Variants in COL14A1 observed in about 807,000 individuals in gnomAD.
The protein encoded by COL14A1 is collagen type XIV alpha 1 chain.
Under a neutral mutation model 230.3 loss-of-function variants are expected in COL14A1, and 136 were observed. The observed-to-expected ratio is 0.59, with a 90% CI of 0.51 to 0.68. The LOEUF (loss-of-function observed/expected upper bound fraction) is 0.68, where lower values mean the gene tolerates loss of function less well. COL14A1 is among the 30% of genes least tolerant of loss of function. The probability of loss-of-function intolerance (pLI) is 0.00; values close to 1 mark genes in which losing one functional copy is unlikely to be tolerated. For missense variants in COL14A1, 1,976 were observed against 2,215.8 expected (o/e 0.89, Z 2.17); for synonymous variants, 792 against 784.1 (o/e 1.01, Z -0.17).
intron 43 of COL14A1, among the ~76,000 whole-genome samples, chr8:120,341,936 C>A (rs1242448955): frequency 6.6e-6 from 1 of 152,178 alleles, no homozygotes; most frequent in Non-Finnish European, 1.5e-5. Context: ...TTGGGCTCAT[C>A]CAATTACCTC....
intron 7 of COL14A1, among the ~76,000 whole-genome samples, chr8:120,198,262 C>G (rs990098619): frequency 1.3e-5 from 2 of 152,098 alleles, no homozygotes; most frequent in African/African-American, 4.8e-5. Context: ...CCCTGTTATT[C>G]AAATATAAAC....
intron 14 of COL14A1, among the ~76,000 whole-genome samples, chr8:120,216,873 A>G (rs140307488): frequency 4.3e-4 from 66 of 152,308 alleles, no homozygotes; most frequent in African/African-American, 1.4e-3. Context: ...CCCATGACCC[A>G]TGTCCAAACA....
intron 25 of COL14A1, 145 bp downstream of exon 25, chr8:120,267,028 A>G: frequency 1.5e-6 from 1 of 670,478 alleles, no homozygotes. Flanking sequence ...CTTATCAACC[A>G]TGATGGGCTT....
intron 8 of COL14A1, among the ~76,000 whole-genome samples, chr8:120,203,154 A>G (rs936183446): frequency 6.6e-6 from 1 of 151,840 alleles, no homozygotes; most frequent in Non-Finnish European, 1.5e-5. Context: ...AGTTAGTTTT[A>G]TTAAGTCATC....
intron 4 of COL14A1, among the ~76,000 whole-genome samples, chr8:120,167,199 G>C (rs1276636654): frequency 6.6e-6 from 1 of 152,104 alleles, no homozygotes; most frequent in African/African-American, 2.4e-5. Flanking sequence ...TCAGCAAAGG[G>C]ATGGAAGACA....
intron 40 of COL14A1, among the ~76,000 whole-genome samples, chr8:120,318,071 G>A (rs2130128513): frequency 6.6e-6 from 1 of 152,270 alleles, no homozygotes; most frequent in East Asian, 1.9e-4. Flanking sequence ...ATTTCAATGT[G>A]CAACACAAGC....
At chr8:120,293,894 A>C (rs1445951769) in intron 34 of COL14A1, among the ~76,000 whole-genome samples, 1 of 151,946 alleles carries the variant, frequency 6.6e-6, no homozygotes, top group Admixed American at 6.6e-5. Context: ...TAATTTAATC[A>C]GTGCCTTCGT....
chr8:120,281,024 A>G lies in COL14A1; in HGVS notation c.3789A>G (p.Gln1263=), dbSNP rs1820021184. The G allele has an allele frequency of 1.2e-6, 2 of 1,610,858 alleles. No homozygotes were observed. Among genetic ancestry groups the G allele is most frequent in the East Asian group, 4.5e-5 (2 of 44,786 alleles). The change falls in exon 31 of 48, where the codon CAA becomes CAG. Residue 1263 remains glutamine (Q), a synonymous_variant. Transcript: ENST00000297848. ...CCTTCAATGTGTTTCCATGTTACCA[A>G]CTCCATAAAGATGCCCTGGTTTCCC... is the stretch of plus-strand genomic sequence containing the variant. ...PGTFNVFPCY[Q]LHKDALVSQP...
At chr8:120,147,003 C>T (rs987376781) in intron 1 of COL14A1, among the ~76,000 whole-genome samples, 2 of 151,886 alleles carry the variant, frequency 1.3e-5, no homozygotes, top group Non-Finnish European at 2.9e-5. Flanking sequence ...GTTTTTTCCC[C>T]TCCAATTCTG....
rs1276949658 is a variant in COL14A1 at position 120,349,472 on chromosome 8, A to T, written c.5077+3909A>T. Among the ~76,000 whole-genome samples, 774 of 132,766 alleles carry T rather than the reference A, an allele frequency of 5.8e-3. 11 individuals are homozygous for T. The highest frequency in any genetic ancestry group is 0.023 in the African/African-American group (740 of 31,670). The allele number at this position is 132,766 out of a possible 152,430, so 87.1% of individuals were successfully genotyped here. On this transcript the variant is annotated intron_variant, in intron 45 of 47. Coordinates refer to ENST00000297848, the MANE Select transcript of COL14A1 (RefSeq NM_021110.4). ...GAGGACATTCAAACCAAAGGCAAAGAAGTTGAAAACTTTGAAAAAAATTTA... is the reference window on the plus strand; with the variant it reads ...GAGGACATTCAAACCAAAGGCAAAGTAGTTGAAAACTTTGAAAAAAATTTA...
intron 37 of COL14A1, 93 bp downstream of exon 37, chr8:120,310,155 C>G: frequency 7.7e-7 from 1 of 1,295,172 alleles, no homozygotes; most frequent in Non-Finnish European, 1.1e-6. Context: ...CTTATTTCAC[C>G]CTTGCAATCT....
chr8:120,147,416 A>G (rs2130464038), intron 1 of COL14A1, among the ~76,000 whole-genome samples: 1 of 152,312 alleles, frequency 6.6e-6, no homozygotes, highest in South Asian at 2.1e-4. Flanking sequence ...AGACAACAGT[A>G]GGAGTTTATG....
At chr8:120,164,412 C>T (rs938383909) in intron 4 of COL14A1, among the ~76,000 whole-genome samples, 10 of 152,054 alleles carry the variant, frequency 6.6e-5, no homozygotes, top group Admixed American at 4.6e-4. Flanking sequence ...ACACCCCTTC[C>T]CTCCCTTTTT....
intron 35 of COL14A1, among the ~76,000 whole-genome samples, chr8:120,298,132 T>G (rs1211231822): frequency 6.6e-6 from 1 of 152,086 alleles, no homozygotes; most frequent in Non-Finnish European, 1.5e-5. Context: ...CACTTCTTTT[T>G]CTACATTGCT....
chr8:120,334,206 A>T (rs896258726), intron 42 of COL14A1, among the ~76,000 whole-genome samples: 3 of 152,126 alleles, frequency 2.0e-5, no homozygotes, highest in Non-Finnish European at 1.5e-5. Context: ...CATCCTCAGA[A>T]TCCTTTTCTG....
chr8:120,204,891 T>C (rs1817379578), intron 9 of COL14A1, among the ~76,000 whole-genome samples: 1 of 152,144 alleles, frequency 6.6e-6, no homozygotes, highest in Admixed American at 6.6e-5. Context: ...TCATGTGGTC[T>C]CTCTTGATAT....
chr8:120,289,917 TG>T (rs1586835454), intron 34 of COL14A1, 151 bp downstream of exon 34: 1 of 781,928 alleles, frequency 1.3e-6, no homozygotes, highest in East Asian at 2.7e-5. Flanking sequence ...GATGGATAGA[TG>T]GATGGATAAA....
chr8:120,194,532 A>T (rs1027941976), intron 5 of COL14A1, among the ~76,000 whole-genome samples: 1 of 152,152 alleles, frequency 6.6e-6, no homozygotes, highest in Non-Finnish European at 1.5e-5. Context: ...ATTTATAGTC[A>T]ATTAGTTCTA....
At chr8:120,271,893 G>A (rs1225037861) in intron 26 of COL14A1, among the ~76,000 whole-genome samples, 2 of 151,388 alleles carry the variant, frequency 1.3e-5, no homozygotes, top group African/African-American at 4.8e-5. Context: ...CTGCTTTGTG[G>A]CATGTGAATT....
Sources: gnomAD v4.1 joint callset for allele counts (sites outside exome capture counted in the v4.1 genomes callset) on GRCh38, gnomAD v4.1.1 for gene constraint, MANE v1.5 for transcripts, NCBI Gene and HGNC (gene_info 2026-07-23, HGNC 2026-07-21) for gene names.